The following SHISA9 variants were observed in gnomAD, a reference collection of about 807,000 sequenced individuals.
SHISA9 encodes the protein protein shisa-9.
In SHISA9, 13 loss-of-function variants were observed where a neutral mutation model predicts 38.0. That is an observed-to-expected ratio of 0.34 (90% CI 0.22 to 0.54). SHISA9 has a LOEUF of 0.54. SHISA9 is among the 20% of genes least tolerant of loss of function. The probability of loss-of-function intolerance (pLI) is 0.91; values close to 1 mark genes in which losing one functional copy is unlikely to be tolerated. For synonymous variants in SHISA9, 275 were observed against 242.0 expected (o/e 1.14, Z -1.27); for missense variants, 538 against 575.8 (o/e 0.93, Z 0.67).
At chr16:13,526,943 T>C in the SHISA9 span, among the ~76,000 whole-genome samples, 3 of 151,512 alleles carry the variant, frequency 2.0e-5, no homozygotes, top group African/African-American at 7.3e-5. Context: ...AATGACTTCT[T>C]TTTTTAGAGA....
chr16:12,903,668 A>G (rs978017376), intron 1 of SHISA9, among the ~76,000 whole-genome samples: 1 of 152,144 alleles, frequency 6.6e-6, no homozygotes. Flanking sequence ...AGGAGTGACT[A>G]GCGGCCTGCG....
At chr16:13,083,614 A>G (rs536238870) in intron 2 of SHISA9, among the ~76,000 whole-genome samples, 4 of 152,250 alleles carry the variant, frequency 2.6e-5, no homozygotes, top group African/African-American at 9.6e-5. Flanking sequence ...TGCATCTCAG[A>G]GCTGGTTCCA....
the SHISA9 span, among the ~76,000 whole-genome samples, chr16:13,274,071 G>C: frequency 6.7e-4 from 102 of 152,212 alleles, no homozygotes; most frequent in African/African-American, 2.4e-3. Flanking sequence ...TCAAAAGTAA[G>C]ATATTTGTCT....
intron 2 of SHISA9, among the ~76,000 whole-genome samples, chr16:13,200,440 A>ACACACAGCAG (rs201359350): frequency 2.0e-5 from 3 of 150,036 alleles, no homozygotes; most frequent in African/African-American, 7.5e-5. Flanking sequence ...ACACACACAC[A>ACACACAGCAG]CAGCAGCAGC....
chr16:13,270,332 C>T, the SHISA9 span, among the ~76,000 whole-genome samples: 59 of 152,134 alleles, frequency 3.9e-4, no homozygotes, highest in African/African-American at 1.4e-3. Context: ...GTTAAGGACA[C>T]CATTGCAACT....
At chr16:13,245,725 A>G in the SHISA9 span, among the ~76,000 whole-genome samples, 36 of 152,302 alleles carry the variant, frequency 2.4e-4, no homozygotes, top group South Asian at 6.8e-3. Context: ...GCTCTGGCCT[A>G]TCGTGTGTGC....
chr16:13,046,115 C>T (rs1006652667), intron 2 of SHISA9, among the ~76,000 whole-genome samples: 1 of 151,876 alleles, frequency 6.6e-6, no homozygotes, highest in Non-Finnish European at 1.5e-5. Context: ...AGATATCTAC[C>T]CCACTCCCTG....
chr16:13,055,766 C>T (rs1054145206), intron 2 of SHISA9, among the ~76,000 whole-genome samples: 1 of 152,230 alleles, frequency 6.6e-6, no homozygotes, highest in African/African-American at 2.4e-5. Context: ...ATCAGAATTA[C>T]TGAGGATGCA....
chr16:13,441,670 C>G, the SHISA9 span, among the ~76,000 whole-genome samples: 2 of 152,204 alleles, frequency 1.3e-5, no homozygotes, highest in African/African-American at 4.8e-5. Flanking sequence ...AGTCTGCCCC[C>G]ACTGGACTGC....
the SHISA9 span, among the ~76,000 whole-genome samples, chr16:13,524,863 T>A: frequency 6.2e-3 from 944 of 152,234 alleles, 5 homozygotes; most frequent in Non-Finnish European, 0.01. Flanking sequence ...CGCAGAGTTG[T>A]CCTGTGCCTT....
chr16:13,308,848 T>G, the SHISA9 span, among the ~76,000 whole-genome samples: 1 of 152,152 alleles, frequency 6.6e-6, no homozygotes, highest in Non-Finnish European at 1.5e-5. Flanking sequence ...GGTAAAAGCA[T>G]AAAATAAGTT....
At chr16:12,935,384 C>T (rs546858222) in intron 2 of SHISA9, among the ~76,000 whole-genome samples, 3 of 152,254 alleles carry the variant, frequency 2.0e-5, no homozygotes, top group East Asian at 1.9e-4. Flanking sequence ...ATATTTCCTG[C>T]GTTATTTTCT....
At chr16:13,215,074 G>A (rs2142067308) in intron 4 of SHISA9, among the ~76,000 whole-genome samples, 1 of 152,298 alleles carries the variant, frequency 6.6e-6, no homozygotes, top group South Asian at 2.1e-4. Flanking sequence ...GACCTGCACT[G>A]AGGTGGGTAG....
At chr16:13,513,608 T>C in the SHISA9 span, among the ~76,000 whole-genome samples, 4 of 152,244 alleles carry the variant, frequency 2.6e-5, no homozygotes, top group African/African-American at 9.6e-5. Context: ...AGTGATAGAC[T>C]GGATAAAGAA....
At chr16:13,495,379 G>A in the SHISA9 span, among the ~76,000 whole-genome samples, 3 of 152,088 alleles carry the variant, frequency 2.0e-5, no homozygotes, top group Middle Eastern at 3.4e-3. Context: ...TCGTATTTTC[G>A]CAATTTCCTA....
the SHISA9 span, chr16:13,458,562 T>C: frequency 2.4e-6 from 1 of 420,806 alleles, no homozygotes; most frequent in Non-Finnish European, 4.7e-6. Context: ...ATGATGAACT[T>C]GAACAGAAGG....
the SHISA9 span, among the ~76,000 whole-genome samples, chr16:13,560,005 T>C: frequency 1.3e-5 from 2 of 152,162 alleles, no homozygotes; most frequent in African/African-American, 4.8e-5. Context: ...TTCCAAGTAA[T>C]GAAAAGATAA....
the SHISA9 span, among the ~76,000 whole-genome samples, chr16:13,473,349 C>CTTTTTTTTTTTTTTTTTTTTTTT: frequency 6.9e-4 from 51 of 73,862 alleles, no homozygotes; most frequent in Admixed American, 8.1e-4. Context: ...TTCTTTCTTT[C>CTTTTTTTTTTTTTTTTTTTTTTT]TTTTTTTTTT....
rs1403157578 is a variant in SHISA9 at position 12,959,380 on chromosome 16, C to T, written c.691+42565C>T. ...TCACTGAGAAAACATTTGCTAGGTG[C>T]TTCCTCTGGGGTATCCACATCAGCA... On this transcript the variant is annotated intron_variant, in intron 2 of 4. Transcript: ENST00000558583. 3.9e-5 allele frequency among the ~76,000 whole-genome samples: 6 copies of T among 152,278 alleles called. No individual in the cohort carries two copies. The East Asian group carries it at 5.8e-4, about 15-fold the overall frequency.
Sources: gnomAD v4.1 joint callset for allele counts (sites outside exome capture counted in the v4.1 genomes callset) on GRCh38, gnomAD v4.1.1 for gene constraint, MANE v1.5 for transcripts, NCBI Gene and HGNC (gene_info 2026-07-23, HGNC 2026-07-21) for gene names.